B3GALT1: variants seen among roughly 807,000 people sequenced by gnomAD.
The protein encoded by B3GALT1 is UDP-Gal:betaGlcNAc beta 1,3-galactosyltransferase, polypeptide 1.
A neutral mutation model predicts 23.2 loss-of-function variants in B3GALT1; 10 were observed. That is an observed-to-expected ratio of 0.43 (90% CI 0.27 to 0.73). B3GALT1 has a LOEUF of 0.73. Ranked by LOEUF, B3GALT1 falls within the 30% of genes least tolerant of loss-of-function variation. The pLI, the probability that B3GALT1 is intolerant of heterozygous loss-of-function variation, is 0.21. For synonymous variants in B3GALT1, 156 were observed against 141.5 expected, an observed-to-expected ratio of 1.10 and a Z score of -0.73; for missense variants, 299 against 405.4, an observed-to-expected ratio of 0.74 and a Z score of 2.25.
intron 2 of B3GALT1, among the ~76,000 whole-genome samples, chr2:167,539,399 T>A (rs544675183): frequency 6.6e-6 from 1 of 152,178 alleles, no homozygotes; most frequent in Non-Finnish European, 1.5e-5. Flanking sequence ...GGTAAAGTTA[T>A]ATACATCTAG....
In B3GALT1 at chr2:167,871,029, A is replaced by G. The variant is rs1690336555; in HGVS notation, c.*1009A>G. On this transcript the variant is annotated 3_prime_UTR_variant, in exon 5 of 5. Coordinates refer to ENST00000392690, the MANE Select transcript of B3GALT1 (RefSeq NM_020981.4). ...TGAGAAAATCTTTAAGGGTGTCAAT[A>G]TTATTGAAAGACTTGGCCCTACTTG... 1 of 157,144 alleles carries G rather than the reference A, an allele frequency of 6.4e-6. No homozygotes were observed. 9.7% of individuals were successfully genotyped at this position (157,144 alleles called of 1,614,324 possible).
chr2:167,544,469 A>AT lies in B3GALT1; in HGVS notation c.-410+54200dup, dbSNP rs535698627. Among the ~76,000 whole-genome samples, 65 of 151,464 alleles carry AT rather than the reference A, an allele frequency of 4.3e-4. No individual in the cohort carries two copies. The East Asian group carries it at 0.011, about 25-fold the overall frequency. ...GCCGCCACGCGTGGCTAATTTTTGT[A>AT]TTTTTTTTATAGAGATGGGGTTTCA... On this transcript the variant is annotated intron_variant, in intron 2 of 4. Transcript: ENST00000392690.
chr2:167,659,650 C>T (rs1686021496), intron 3 of B3GALT1, among the ~76,000 whole-genome samples: 1 of 151,876 alleles, frequency 6.6e-6, no homozygotes, highest in Non-Finnish European at 1.5e-5. Flanking sequence ...CATGATAAAG[C>T]CAGAGAAACA....
At chr2:167,692,016 T>G (rs192245469) in intron 3 of B3GALT1, among the ~76,000 whole-genome samples, 6 of 152,254 alleles carry the variant, frequency 3.9e-5, no homozygotes, top group Admixed American at 6.5e-5. Flanking sequence ...TGGCCTTCCT[T>G]GAGTGGCACA....
chr2:167,418,698 A>G (rs1254322299), intron 1 of B3GALT1, among the ~76,000 whole-genome samples: 2 of 140,286 alleles, frequency 1.4e-5, no homozygotes, highest in Non-Finnish European at 3.1e-5. Flanking sequence ...TTTTTTTGAA[A>G]TGGAGTTTTA....
chr2:167,666,829 T>G (rs1025704014), intron 3 of B3GALT1, among the ~76,000 whole-genome samples: 2 of 152,220 alleles, frequency 1.3e-5, no homozygotes, highest in Non-Finnish European at 2.9e-5. Context: ...CCTTTTATTT[T>G]GAGCTTATGT....
chr2:167,571,010 T>C (rs1684285076), intron 2 of B3GALT1, among the ~76,000 whole-genome samples: 1 of 151,978 alleles, frequency 6.6e-6, no homozygotes, highest in African/African-American at 2.4e-5. Context: ...AATTTTCTTT[T>C]AAAACTATTT....
At chr2:167,687,225 C>T (rs1686631403) in intron 3 of B3GALT1, among the ~76,000 whole-genome samples, 1 of 152,148 alleles carries the variant, frequency 6.6e-6, no homozygotes, top group African/African-American at 2.4e-5. Context: ...TCATAGCCAG[C>T]AACTCTCTTG....
At chr2:167,560,528 AAGACCCATC>A in intron 2 of B3GALT1, among the ~76,000 whole-genome samples, 1 of 152,380 alleles carries the variant, frequency 6.6e-6, no homozygotes, top group Non-Finnish European at 1.5e-5. Context: ...ATAAAGAGTC[AAGACCCATC>A]AGCATGCTGT....
intron 1 of B3GALT1, among the ~76,000 whole-genome samples, chr2:167,307,237 GTA>G (rs759065253): frequency 2.8e-4 from 42 of 152,102 alleles, no homozygotes; most frequent in South Asian, 1.2e-3. Flanking sequence ...ACAGTGTGAA[GTA>G]TATATGTTTC....
chr2:167,528,282 G>A (rs1232761458), intron 2 of B3GALT1, among the ~76,000 whole-genome samples: 2 of 152,134 alleles, frequency 1.3e-5, no homozygotes, highest in East Asian at 1.9e-4. Context: ...TTATTTCCAT[G>A]TCAGAGACTT....
intron 1 of B3GALT1, among the ~76,000 whole-genome samples, chr2:167,324,237 A>AG (rs1696855885): frequency 6.6e-6 from 1 of 152,126 alleles, no homozygotes; most frequent in Non-Finnish European, 1.5e-5. Flanking sequence ...ATTACCATAC[A>AG]TACAGTTCTT....
chr2:167,411,378 C>CAAAAAAAAAAA (rs60719828), intron 1 of B3GALT1, among the ~76,000 whole-genome samples: 1 of 136,552 alleles, frequency 7.3e-6, no homozygotes, highest in African/African-American at 2.8e-5. Flanking sequence ...AACAAAAAAC[C>CAAAAAAAAAAA]AAAAAAAAAA....
chr2:167,303,657 ACACACAC>A (rs1382198261), intron 1 of B3GALT1, among the ~76,000 whole-genome samples: 2 of 149,968 alleles, frequency 1.3e-5, no homozygotes, highest in Non-Finnish European at 3.0e-5. Flanking sequence ...ACACACACAC[ACACACAC>A]ACACACACAC....
chr2:167,721,393 T>C (rs1308024569), intron 3 of B3GALT1, among the ~76,000 whole-genome samples: 1 of 152,020 alleles, frequency 6.6e-6, no homozygotes, highest in Non-Finnish European at 1.5e-5. Flanking sequence ...CTTTGATTAT[T>C]CCCTGTTGTA....
intron 2 of B3GALT1, among the ~76,000 whole-genome samples, chr2:167,563,756 C>T (rs1247925771): frequency 1.7e-4 from 1 of 5,914 alleles, no homozygotes; most frequent in Admixed American, 8.7e-4. Flanking sequence ...CCTCACCTCC[C>T]GGACGGGGCG....
At position 167,847,435 on chromosome 2, in the gene B3GALT1, C is replaced by G. The variant is rs552607045; in HGVS notation, c.-229-21376C>G. 8.0e-4 allele frequency among the ~76,000 whole-genome samples: 122 copies of G among 152,254 alleles called. 2 individuals carry two copies. The highest frequency in any genetic ancestry group is 2.4e-3 in the Admixed American group (36 of 15,296). On this transcript the variant is annotated intron_variant, in intron 4 of 4. Transcript: ENST00000392690. The stretch of plus-strand genomic sequence containing the variant: ...AACTGGAAATCAACTCCAAAAGGAA[C>G]CTTCAAAACTGTGCAAATACATGGA...
At chr2:167,388,461 G>A (rs1392849786) in intron 1 of B3GALT1, among the ~76,000 whole-genome samples, 2 of 152,140 alleles carry the variant, frequency 1.3e-5, no homozygotes, top group South Asian at 2.1e-4. Flanking sequence ...GTCACATGGA[G>A]TTGATGCTCC....
chr2:167,826,389 A>G (rs185425639), intron 4 of B3GALT1, among the ~76,000 whole-genome samples: 69 of 152,320 alleles, frequency 4.5e-4, no homozygotes, highest in African/African-American at 1.5e-3. Context: ...CAGCTCCCCA[A>G]GCAACTGAAC....
Sources: gnomAD v4.1 joint callset for allele counts (sites outside exome capture counted in the v4.1 genomes callset) on GRCh38, gnomAD v4.1.1 for gene constraint, MANE v1.5 for transcripts, NCBI Gene and HGNC (gene_info 2026-07-23, HGNC 2026-07-21) for gene names.